ACTR10: variants seen among roughly 807,000 people sequenced by gnomAD.
The protein encoded by ACTR10 is actin-related protein 10.
In ACTR10, 43 loss-of-function variants were observed where a neutral mutation model predicts 56.2. That is an observed-to-expected ratio of 0.77 (90% CI 0.60 to 0.99). The LOEUF (loss-of-function observed/expected upper bound fraction) is 0.99. Among genes scored for constraint, ACTR10 ranks in the 50% least tolerant of loss-of-function variants. The pLI, the probability that ACTR10 is intolerant of heterozygous loss-of-function variation, is 0.00. For synonymous variants in ACTR10, 170 were observed against 176.3 expected (o/e 0.96, Z 0.28); for missense variants, 466 against 507.8 (o/e 0.92, Z 0.79).
chr14:58,220,472 A>G (rs1452862911), intron 8 of ACTR10, among the ~76,000 whole-genome samples: 1 of 152,182 alleles, frequency 6.6e-6, no homozygotes. Flanking sequence ...TTAATTACCT[A>G]AATTCTTTTC....
intron 10 of ACTR10, among the ~76,000 whole-genome samples, chr14:58,224,538 C>T (rs937490549): frequency 6.6e-6 from 1 of 152,030 alleles, no homozygotes; most frequent in East Asian, 1.9e-4. Context: ...TGAGCCACCA[C>T]GCCTGGCTGG....
At chr14:58,232,364 G>T in intron 12 of ACTR10, 97 bp downstream of exon 12, 11 of 579,682 alleles carry the variant, frequency 1.9e-5, no homozygotes, top group East Asian at 1.1e-4. Context: ...TCAGGGTTCA[G>T]AATTGCCCAC....
chr14:58,201,951 T>G (rs1888716064), intron 1 of ACTR10, among the ~76,000 whole-genome samples: 1 of 147,626 alleles, frequency 6.8e-6, no homozygotes, highest in South Asian at 2.1e-4. Flanking sequence ...TGCAGTGATC[T>G]GAGTTTGTGC....
chr14:58,208,947 A>G (rs1888930003), intron 3 of ACTR10, 52 bp from the exon 4 acceptor site: 3 of 1,242,010 alleles, frequency 2.4e-6, no homozygotes, highest in Non-Finnish European at 3.5e-6. Flanking sequence ...TGTATGACTT[A>G]ACAAAATGAA....
chr14:58,213,825 C>A, intron 6 of ACTR10, 127 bp downstream of exon 6: 1 of 630,876 alleles, frequency 1.6e-6, no homozygotes, highest in East Asian at 3.0e-5. Flanking sequence ...ATTCCGCCCT[C>A]TATTAGCTTC....
intron 4 of ACTR10, among the ~76,000 whole-genome samples, chr14:58,210,837 G>A (rs1888975438): frequency 6.6e-6 from 1 of 151,996 alleles, no homozygotes. Flanking sequence ...ACAACACCCA[G>A]CTAATTTTTG....
Position 58,234,641 on chromosome 14 carries a change from G to A in ACTR10, c.*90G>A, listed in dbSNP as rs1889631349. ...AAAGTATGTAGGATGTTTTGTTATA[G>A]AGGACTATAGTGGAAGTGAAAGCAT... On this transcript the variant is annotated 3_prime_UTR_variant, in exon 13 of 13. Transcript: ENST00000254286. 8.2e-7 allele frequency: 1 copy of A among 1,225,204 alleles called. No individual in the cohort carries two copies. The highest frequency in any genetic ancestry group is 2.5e-5 in the Admixed American group (1 of 40,554). 75.9% of individuals were successfully genotyped at this position (1,225,204 alleles called of 1,614,324 possible).
At chr14:58,211,895 A>G (rs1889006468) in intron 5 of ACTR10, among the ~76,000 whole-genome samples, 1 of 151,436 alleles carries the variant, frequency 6.6e-6, no homozygotes. Flanking sequence ...AGCCGAGATC[A>G]TGCCACTGCA....
intron 10 of ACTR10, among the ~76,000 whole-genome samples, chr14:58,227,075 T>G (rs1889421904): frequency 6.6e-6 from 1 of 152,230 alleles, no homozygotes; most frequent in Non-Finnish European, 1.5e-5. Flanking sequence ...TATTTATGTT[T>G]TTCCAAGACC....
At chr14:58,218,389 C>T (rs187798113) in intron 7 of ACTR10, among the ~76,000 whole-genome samples, 2 of 152,110 alleles carry the variant, frequency 1.3e-5, no homozygotes, top group East Asian at 1.9e-4. Flanking sequence ...AATAAAACTT[C>T]GAACATGTTA....
intron 2 of ACTR10, 151 bp from the exon 3 acceptor site, chr14:58,207,785 A>T: frequency 2.6e-6 from 1 of 380,010 alleles, no homozygotes. Context: ...TTCCTAATTT[A>T]AGAGATTACT....
At chr14:58,214,524 T>C (rs1889084222) in intron 6 of ACTR10, among the ~76,000 whole-genome samples, 1 of 151,792 alleles carries the variant, frequency 6.6e-6, no homozygotes, top group Admixed American at 6.6e-5. Context: ...GGAGTCTCGC[T>C]CTGTCACCCA....
chr14:58,206,255 C>A (rs1159836790), intron 2 of ACTR10, among the ~76,000 whole-genome samples: 2 of 151,528 alleles, frequency 1.3e-5, no homozygotes, highest in African/African-American at 4.9e-5. Flanking sequence ...TGCTCACTGC[C>A]ACCTCCTCCT....
At chr14:58,214,204 T>C (rs1889073706) in intron 6 of ACTR10, among the ~76,000 whole-genome samples, 1 of 152,138 alleles carries the variant, frequency 6.6e-6, no homozygotes, top group African/African-American at 2.4e-5. Context: ...CTTTCTACTC[T>C]CTATGTCCAT....
rs558257682 is a variant in ACTR10, at chr14:58,204,529, C to T, written c.150+1602C>T. Among the ~76,000 whole-genome samples the T allele has an allele frequency of 1.6e-4, 24 of 152,190 alleles. No homozygotes were observed. In the East Asian group the frequency reaches 3.1e-3, roughly 20 times the overall value. ...TTGCACCACTGCATTCCACCATGGG[C>T]GACAGAGTGAGACCCTGTCTCAAAA... On this transcript the variant is annotated intron_variant, in intron 2 of 12. Transcript: ENST00000254286.
At chr14:58,231,071 T>G in intron 11 of ACTR10, 1 of 298,302 alleles carries the variant, frequency 3.4e-6, no homozygotes, top group African/African-American at 3.3e-5. Context: ...TTTTCTCTTT[T>G]TTTGACAGTG....
intron 6 of ACTR10, among the ~76,000 whole-genome samples, chr14:58,214,469 T>A (rs547666786): frequency 6.6e-6 from 1 of 151,898 alleles, no homozygotes. Flanking sequence ...GGTAAACTTA[T>A]GTCATGGGGA....
rs200862036 is a variant in ACTR10, at chr14:58,202,861, A to T, written c.84A>T (p.Gly28=). The T allele has an allele frequency of 6.2e-7, 1 of 1,603,902 alleles. No individual in the cohort carries two copies. The highest frequency in any genetic ancestry group is 8.5e-7 in the Non-Finnish European group (1 of 1,174,378). The change falls in exon 2 of 13, where the codon GGA becomes GGT. Residue 28 remains glycine, a synonymous_variant. Coordinates refer to ENST00000254286, the MANE Select transcript of ACTR10 (RefSeq NM_018477.3). ...ATTTTCCATTTATTTGCAGGTGTGG[A>T]TTTGCTGGAGAAACTGGTCCAAGAT... The part of the protein sequence containing the change: ...IDLGEAFTKC[G]FAGETGPRCI...
intron 6 of ACTR10, among the ~76,000 whole-genome samples, chr14:58,214,128 G>T (rs578187630): frequency 3.0e-4 from 45 of 151,988 alleles, no homozygotes; most frequent in African/African-American, 9.7e-4. Context: ...CTATTTTTTT[G>T]TACCCATTAA....
Sources: allele counts gnomAD v4.1 joint callset (sites outside exome capture counted in the v4.1 genomes callset), GRCh38; gene constraint gnomAD v4.1.1; transcripts MANE v1.5; gene names NCBI Gene and HGNC (gene_info 2026-07-23, HGNC 2026-07-21).